ARPP21: variants seen among roughly 807,000 people sequenced by gnomAD.
ARPP21 encodes the protein cAMP-regulated phosphoprotein 21.
A neutral mutation model predicts 113.2 loss-of-function variants in ARPP21; 69 were observed. That is an observed-to-expected ratio of 0.61 (90% CI 0.50 to 0.74). The LOEUF (loss-of-function observed/expected upper bound fraction) is 0.74, where lower values mean the gene tolerates loss of function less well. ARPP21 is among the 30% of genes least tolerant of loss of function. The pLI is 0.00. For missense variants in ARPP21, 1,070 were observed against 1,037.4 expected, an observed-to-expected ratio of 1.03 and a Z score of -0.43; for synonymous variants, 368 against 375.5, an observed-to-expected ratio of 0.98 and a Z score of 0.23.
chr3:35,734,376 A>G (rs2094201840), intron 15 of ARPP21, among the ~76,000 whole-genome samples: 1 of 152,146 alleles, frequency 6.6e-6, no homozygotes, highest in South Asian at 2.1e-4. Flanking sequence ...GAAGAAAGTT[A>G]TTTTTCAAAA....
intron 19 of ARPP21, chr3:35,744,375 G>T: frequency 2.3e-6 from 1 of 425,738 alleles, no homozygotes; most frequent in South Asian, 1.7e-5. Context: ...ACTGCCTTTA[G>T]AAGAAGGCTA....
intron 14 of ARPP21, among the ~76,000 whole-genome samples, chr3:35,722,888 T>TA (rs1401076004): frequency 1.3e-5 from 2 of 152,236 alleles, no homozygotes; most frequent in African/African-American, 4.8e-5. Context: ...AAATACCTCC[T>TA]AAAATCTCAG....
chr3:35,708,974 C>G lies in ARPP21; in HGVS notation c.801C>G (p.Asn267Lys), dbSNP rs1559695918. 6.2e-7 allele frequency: 1 copy of G among 1,611,888 alleles called. No individual in the cohort carries two copies. The highest frequency in any genetic ancestry group is 1.1e-5 in the South Asian group (1 of 90,890). ...GATTTCTTTTTTCTGTTCAGCAAAA[C>G]AGAATGCATCCATTTAGAGATGACA... The part of the protein sequence containing the change: ...SSIDKEDNQQ[N>K]RMHPFRDDRR... The change falls in exon 11 of 21, where the codon AAC becomes AAG. Residue 267 changes from asparagine to lysine, a missense_variant. Asn to Lys is a moderately conservative substitution (Grantham distance 94). Transcript: ENST00000684406.
chr3:35,736,280 C>G (rs2094344707), intron 15 of ARPP21, among the ~76,000 whole-genome samples: 1 of 152,128 alleles, frequency 6.6e-6, no homozygotes, highest in South Asian at 2.1e-4. Context: ...GGTTTGTTCT[C>G]TCCTTTATGC....
At chr3:35,690,810 A>T in intron 8 of ARPP21, 55 bp from the exon 9 acceptor site, 1 of 1,537,744 alleles carries the variant, frequency 6.5e-7, no homozygotes, top group Non-Finnish European at 8.8e-7. Context: ...GTAAAAAGGT[A>T]TTATGGGCAA....
At chr3:35,735,023 C>A (rs1208678718) in intron 15 of ARPP21, among the ~76,000 whole-genome samples, 1 of 152,214 alleles carries the variant, frequency 6.6e-6, no homozygotes, top group Non-Finnish European at 1.5e-5. Flanking sequence ...CATGTTATAA[C>A]AGTCTGTTCT....
chr3:35,737,652 G>C (rs956016136), intron 16 of ARPP21, among the ~76,000 whole-genome samples: 3 of 152,084 alleles, frequency 2.0e-5, no homozygotes, highest in Non-Finnish European at 2.9e-5. Context: ...TATGGAGGAG[G>C]CTCTCTCAGA....
At chr3:35,785,551 T>C (rs1020435924) in intron 19 of ARPP21, among the ~76,000 whole-genome samples, 1 of 152,108 alleles carries the variant, frequency 6.6e-6, no homozygotes, top group Non-Finnish European at 1.5e-5. Context: ...ACCAGCTTTG[T>C]ATTTGTGATA....
intron 19 of ARPP21, among the ~76,000 whole-genome samples, chr3:35,773,598 C>G (rs1485993625): frequency 6.6e-6 from 1 of 152,130 alleles, no homozygotes; most frequent in Admixed American, 6.6e-5. Context: ...TCTCTCACAC[C>G]TAGGTAAAGT....
chr3:35,735,486 G>C (rs891784918), intron 15 of ARPP21, among the ~76,000 whole-genome samples: 1 of 152,114 alleles, frequency 6.6e-6, no homozygotes, highest in Non-Finnish European at 1.5e-5. Context: ...TATTGTTGAA[G>C]AATAAGGCTG....
chr3:35,713,710 AC>A (rs1451938978), intron 11 of ARPP21, among the ~76,000 whole-genome samples: 6 of 152,126 alleles, frequency 3.9e-5, no homozygotes, highest in African/African-American at 1.4e-4. Flanking sequence ...GGTATCTTTG[AC>A]TTGCTTGTGT....
chr3:35,708,126 C>T (rs540339136), intron 10 of ARPP21, among the ~76,000 whole-genome samples: 1 of 152,208 alleles, frequency 6.6e-6, no homozygotes, highest in African/African-American at 2.4e-5. Flanking sequence ...CACCAAGCTA[C>T]ACCATGGCTC....
At chr3:35,717,083 C>T (rs1420550771) in intron 12 of ARPP21, among the ~76,000 whole-genome samples, 1 of 151,958 alleles carries the variant, frequency 6.6e-6, no homozygotes, top group Non-Finnish European at 1.5e-5. Context: ...CTCTTTCCTT[C>T]TTTTCTCCTT....
chr3:35,710,129 C>G (rs1480529212), intron 11 of ARPP21, among the ~76,000 whole-genome samples: 1 of 152,148 alleles, frequency 6.6e-6, no homozygotes, highest in Non-Finnish European at 1.5e-5. Flanking sequence ...CAACCCCCGC[C>G]ACCTTTCTTG....
At chr3:35,751,112 A>G (rs1347150021) in intron 19 of ARPP21, among the ~76,000 whole-genome samples, 1 of 152,204 alleles carries the variant, frequency 6.6e-6, no homozygotes, top group Non-Finnish European at 1.5e-5. Context: ...CAAGACAGCT[A>G]CATAGCAGAG....
At chr3:35,646,369 T>C (rs1700221260) in intron 1 of ARPP21, among the ~76,000 whole-genome samples, 1 of 152,136 alleles carries the variant, frequency 6.6e-6, no homozygotes, top group Non-Finnish European at 1.5e-5. Context: ...CTTGTTAATA[T>C]CTATGTAACT....
intron 11 of ARPP21, among the ~76,000 whole-genome samples, chr3:35,710,852 C>A (rs922900173): frequency 6.6e-6 from 1 of 152,164 alleles, no homozygotes; most frequent in Non-Finnish European, 1.5e-5. Context: ...GCATGACTTT[C>A]TCTATACATT....
chr3:35,786,020 T>C (rs1349947551), intron 19 of ARPP21, among the ~76,000 whole-genome samples: 2 of 152,172 alleles, frequency 1.3e-5, no homozygotes, highest in African/African-American at 4.8e-5. Context: ...AAAGAAGTCG[T>C]AATGAACTTC....
intron 16 of ARPP21, among the ~76,000 whole-genome samples, chr3:35,737,782 A>G (rs570720189): frequency 8.5e-5 from 13 of 152,314 alleles, no homozygotes; most frequent in East Asian, 7.7e-4. Context: ...AAATCAGTCA[A>G]TTCCAGGGAG....
Sources: allele counts gnomAD v4.1 joint callset (sites outside exome capture counted in the v4.1 genomes callset), GRCh38; gene constraint gnomAD v4.1.1; transcripts MANE v1.5; gene names NCBI Gene and HGNC (gene_info 2026-07-23, HGNC 2026-07-21).